Variants in SMYD3 observed in about 807,000 individuals in gnomAD.
SMYD3 encodes the protein SET and MYND domain containing 3.
A neutral mutation model predicts 57.7 loss-of-function variants in SMYD3; 36 were observed. The ratio of observed to expected loss-of-function variants is 0.62; its 90% CI spans 0.48 to 0.82. The LOEUF is 0.82. Ranked by LOEUF, SMYD3 falls within the 40% of genes least tolerant of loss-of-function variation. The pLI is 0.00. For synonymous variants in SMYD3, 211 were observed against 195.0 expected (o/e 1.08, Z -0.68); for missense variants, 515 against 538.8 (o/e 0.96, Z 0.44).
intron 5 of SMYD3, among the ~76,000 whole-genome samples, chr1:246,286,681 A>T (rs2064572379): frequency 1.3e-5 from 2 of 152,172 alleles, no homozygotes; most frequent in African/African-American, 4.8e-5. Flanking sequence ...AGTATAGGGC[A>T]TGGCACATAC....
intron 8 of SMYD3, among the ~76,000 whole-genome samples, chr1:245,873,922 C>T (rs552211135): frequency 1.3e-5 from 2 of 152,178 alleles, no homozygotes; most frequent in African/African-American, 2.4e-5. Context: ...CTCCTGGCTC[C>T]GCTTGCCCAG....
intron 1 of SMYD3, among the ~76,000 whole-genome samples, chr1:246,493,578 G>T (rs1204479293): frequency 6.6e-6 from 1 of 152,166 alleles, no homozygotes; most frequent in Non-Finnish European, 1.5e-5. Context: ...TTGATCCTCA[G>T]CAATGCTATC....
At chr1:246,289,184 A>G (rs2064636736) in intron 5 of SMYD3, among the ~76,000 whole-genome samples, 1 of 152,162 alleles carries the variant, frequency 6.6e-6, no homozygotes, top group Non-Finnish European at 1.5e-5. Flanking sequence ...AAAGAAAAAG[A>G]TTAGGGAGCT....
chr1:246,047,612 A>C (rs10924462), intron 5 of SMYD3, among the ~76,000 whole-genome samples: 3 of 152,022 alleles, frequency 2.0e-5, no homozygotes, highest in Admixed American at 2.0e-4. Flanking sequence ...CTGAGGGAGT[A>C]GATCATTTGA....
chr1:245,831,355 G>A lies in SMYD3; in HGVS notation c.1076+27141C>T, dbSNP rs536127698. On this transcript the variant is annotated intron_variant, in intron 10 of 11. Transcript: ENST00000490107. ...CATCTTCACCAATGGGAAGGAGCTAGCATTTGGCCAAGACCTTTGATAAGT... is the reference window on the plus strand; with the variant it reads ...CATCTTCACCAATGGGAAGGAGCTAACATTTGGCCAAGACCTTTGATAAGT... 2.0e-5 allele frequency among the ~76,000 whole-genome samples: 3 copies of A among 152,312 alleles called. No homozygotes were observed. In the East Asian group the frequency reaches 5.8e-4, roughly 29 times the overall value.
chr1:245,932,759 G>A (rs1420481281), intron 5 of SMYD3, among the ~76,000 whole-genome samples: 1 of 152,108 alleles, frequency 6.6e-6, no homozygotes, highest in Admixed American at 6.6e-5. Context: ...CAGGAGTCTT[G>A]CTATATTGCC....
At chr1:246,224,225 G>A (rs2063296786) in intron 5 of SMYD3, among the ~76,000 whole-genome samples, 1 of 152,084 alleles carries the variant, frequency 6.6e-6, no homozygotes, top group East Asian at 1.9e-4. Flanking sequence ...ATATGATACA[G>A]TAGATGTAAT....
chr1:245,962,249 T>G (rs1414977811), intron 5 of SMYD3, among the ~76,000 whole-genome samples: 2 of 152,248 alleles, frequency 1.3e-5, no homozygotes, highest in Non-Finnish European at 2.9e-5. Context: ...GCTCTGTTTT[T>G]CCTGCCACCC....
intron 8 of SMYD3, among the ~76,000 whole-genome samples, chr1:245,880,393 A>G (rs1046009073): frequency 2.0e-5 from 3 of 152,210 alleles, no homozygotes; most frequent in Non-Finnish European, 4.4e-5. Context: ...ACAACCAACT[A>G]TATCTTAGGA....
intron 5 of SMYD3, among the ~76,000 whole-genome samples, chr1:246,180,047 C>A (rs2062509464): frequency 6.6e-6 from 1 of 151,758 alleles, no homozygotes; most frequent in African/African-American, 2.4e-5. Context: ...GTGGCTCATG[C>A]CAATAACCCC....
In SMYD3 at chr1:245,806,628, A is replaced by C. The variant is rs905931231; in HGVS notation, c.1077-42479T>G. ...TTCAAAGTGGGTTAAAAGAGGGAGA[A>C]GGCCGGGCGCGGTGGCTCACGCCTG... On this transcript the variant is annotated intron_variant, in intron 10 of 11. Coordinates refer to ENST00000490107, the MANE Select transcript of SMYD3 (RefSeq NM_001167740.2). 4.6e-5 allele frequency among the ~76,000 whole-genome samples: 7 copies of C among 152,254 alleles called. No individual in the cohort carries two copies. The East Asian group carries it at 1.4e-3, about 29-fold the overall frequency.
At chr1:245,764,684 C>T (rs566456812) in intron 10 of SMYD3, among the ~76,000 whole-genome samples, 4 of 152,074 alleles carry the variant, frequency 2.6e-5, no homozygotes, top group Admixed American at 6.5e-5. Flanking sequence ...CTTATGAGCA[C>T]GTGTGTATTT....
intron 5 of SMYD3, among the ~76,000 whole-genome samples, chr1:246,010,996 G>A (rs1313657903): frequency 3.9e-5 from 6 of 152,210 alleles, no homozygotes; most frequent in Non-Finnish European, 5.9e-5. Context: ...GGCTGAAGAC[G>A]TCATCTTGTC....
At chr1:246,166,032 C>G (rs2062203802) in intron 5 of SMYD3, among the ~76,000 whole-genome samples, 1 of 151,960 alleles carries the variant, frequency 6.6e-6, no homozygotes, top group Admixed American at 6.5e-5. Flanking sequence ...CTCGGTGACC[C>G]ACACCCCCAT....
intron 1 of SMYD3, among the ~76,000 whole-genome samples, chr1:246,457,883 T>C (rs1465088291): frequency 6.6e-6 from 1 of 152,252 alleles, no homozygotes; most frequent in Non-Finnish European, 1.5e-5. Flanking sequence ...CTACTGATTC[T>C]TTCCAAAAGT....
intron 5 of SMYD3, among the ~76,000 whole-genome samples, chr1:246,132,921 G>C (rs1329633378): frequency 1.3e-5 from 2 of 152,010 alleles, no homozygotes; most frequent in Non-Finnish European, 2.9e-5. Flanking sequence ...GCATATTGAA[G>C]CCATAATGAG....
chr1:246,333,515 T>G (rs911741605), intron 3 of SMYD3, among the ~76,000 whole-genome samples: 1 of 152,154 alleles, frequency 6.6e-6, no homozygotes, highest in Non-Finnish European at 1.5e-5. Flanking sequence ...AACAAAGGTC[T>G]AATATCCAGA....
At chr1:246,431,738 C>CAAAT (rs1290182797) in intron 1 of SMYD3, among the ~76,000 whole-genome samples, 1 of 152,046 alleles carries the variant, frequency 6.6e-6, no homozygotes. Context: ...TCTCAAAAAA[C>CAAAT]AAATAAATAA....
chr1:246,024,990 C>G (rs61839433), intron 5 of SMYD3, among the ~76,000 whole-genome samples: 215 of 26,764 alleles, frequency 8.0e-3, no homozygotes, highest in Non-Finnish European at 8.1e-3. Context: ...GGAGATACAG[C>G]AAGTGGACAG....
Sources: allele counts gnomAD v4.1 joint callset (sites outside exome capture counted in the v4.1 genomes callset), GRCh38; gene constraint gnomAD v4.1.1; transcripts MANE v1.5; gene names NCBI Gene and HGNC (gene_info 2026-07-23, HGNC 2026-07-21).